Variants in MIEF2 observed in about 807,000 individuals in gnomAD.
The protein encoded by MIEF2 is mitochondrial dynamics protein MID49.
A neutral mutation model predicts 7.4 loss-of-function variants in MIEF2; 1 was observed. The observed-to-expected ratio is 0.14, with a 90% CI of 0.05 to 0.64. The LOEUF (loss-of-function observed/expected upper bound fraction) is 0.64, where lower values mean the gene tolerates loss of function less well. MIEF2 is among the 30% of genes least tolerant of loss of function. The pLI, the probability that MIEF2 is intolerant of heterozygous loss-of-function variation, is 0.85. For missense variants in MIEF2, 569 were observed against 623.9 expected, an observed-to-expected ratio of 0.91 and a Z score of 0.94; for synonymous variants, 275 against 290.5, an observed-to-expected ratio of 0.95 and a Z score of 0.54.
chr17:18,262,615 C>T, intron 1 of MIEF2, 99 bp from the exon 2 acceptor site: 2 of 1,184,180 alleles, frequency 1.7e-6, no homozygotes, highest in East Asian at 2.8e-5. Flanking sequence ...AGCTCTGTTA[C>T]CCAGCATAAG....
chr17:18,260,918 T>C (rs994196958), intron 1 of MIEF2, among the ~76,000 whole-genome samples, 181 bp downstream of exon 1: 2 of 152,130 alleles, frequency 1.3e-5, no homozygotes. Flanking sequence ...CTCGGTCTCT[T>C]GGTTTATCCT....
intron 1 of MIEF2, among the ~76,000 whole-genome samples, chr17:18,261,963 C>T (rs1277951442): frequency 6.6e-6 from 1 of 152,208 alleles, no homozygotes; most frequent in Non-Finnish European, 1.5e-5. Context: ...TTACTCTGCC[C>T]GTGCTCTGAC....
Position 18,264,097 on chromosome 17 carries a change from G to C in MIEF2, c.698G>C (p.Cys233Ser). 1.3e-6 allele frequency: 2 copies of C among 1,551,542 alleles called. No individual in the cohort carries two copies. The highest frequency in any genetic ancestry group is 1.7e-6 in the Non-Finnish European group (2 of 1,154,316). ...GTGCGCAGGACGCAGCTTGAGTTCTGCCCCCGTGGGAGCAGCCCCTGGGAC... is the reference window on the plus strand; with the variant it reads ...GTGCGCAGGACGCAGCTTGAGTTCTCCCCCCGTGGGAGCAGCCCCTGGGAC... ...WAVRRTQLEF[C>S]PRGSSPWDRF... The change falls in exon 4 of 4, where the codon TGC becomes TCC. Residue 233 changes from cysteine (C) to serine (S), a missense_variant. Transcript: ENST00000323019.
Position 18,264,017 on chromosome 17 carries a change from G to A in MIEF2, c.618G>A (p.Leu206=), listed in dbSNP as rs746815006. The A allele has an allele frequency of 1.3e-6, 2 of 1,560,142 alleles. No homozygotes were observed. The highest frequency in any genetic ancestry group is 1.7e-6 in the Non-Finnish European group (2 of 1,156,088). The change falls in exon 4 of 4, where the codon CTG becomes CTA. Residue 206 remains leucine (L), a synonymous_variant. Coordinates refer to ENST00000323019, the MANE Select transcript of MIEF2 (RefSeq NM_139162.4). ...LLVPLVLEPG[L]WSLVPGVDTV... The stretch of plus-strand genomic sequence containing the variant: ...TGCCACTGGTGCTGGAGCCGGGCCT[G>A]TGGAGCCTGGTGCCGGGCGTGGACA...
In MIEF2 at chr17:18,264,153, C is replaced by T. The variant is rs376412729; in HGVS notation, c.754C>T (p.Arg252Cys). ...CCTGGTCGGGGGCTACCTCTCCTCC[C>T]GCGTCCTGCTGGAGCTACTCCGCAA... ...RFLVGGYLSS[R>C]VLLELLRKAL... The change falls in exon 4 of 4, where the codon CGC becomes TGC. Residue 252 changes from arginine to cysteine, a missense_variant. Coordinates refer to ENST00000323019, the MANE Select transcript of MIEF2 (RefSeq NM_139162.4). 5.1e-6 allele frequency: 8 copies of T among 1,570,914 alleles called. No individual in the cohort carries two copies. The highest frequency in any genetic ancestry group is 1.3e-5 in the African/African-American group (1 of 74,286).
intron 3 of MIEF2, 145 bp downstream of exon 3, chr17:18,263,393 C>T: frequency 8.4e-7 from 1 of 1,187,950 alleles, no homozygotes. Flanking sequence ...GGTGGTGTTT[C>T]TTTGCCCTGT....
Position 18,264,463 on chromosome 17 carries a change from GGCTGCT to G in MIEF2, c.1075_1080del (p.Leu359_Leu360del). On this transcript the variant is annotated inframe_deletion, in exon 4 of 4. Transcript: ENST00000323019. ...GACCATGACGCTGGGACTCGCCGGC[GGCTGCT>G]GCTGCTGCTGTGTGCTGTCTGCCGT... 6.2e-7 allele frequency: 1 copy of G among 1,603,266 alleles called. No individual in the cohort carries two copies. Among genetic ancestry groups the G allele is most frequent in the Non-Finnish European group, 8.5e-7 (1 of 1,179,610 alleles).
At chr17:18,260,860 T>C (rs1399720362) in intron 1 of MIEF2, 123 bp downstream of exon 1, 1 of 517,524 alleles carries the variant, frequency 1.9e-6, no homozygotes, top group Non-Finnish European at 3.5e-6. Context: ...AGGGGACCTT[T>C]GGGGGACCAA....
chr17:18,265,112 G>A lies in MIEF2; in HGVS notation c.*348G>A, dbSNP rs1978677612. 1 of 210,192 alleles carries A rather than the reference G, an allele frequency of 4.8e-6. No homozygotes were observed. Among genetic ancestry groups the A allele is most frequent in the African/African-American group, 2.3e-5 (1 of 43,868 alleles). 13.0% of individuals were successfully genotyped at this position (210,192 alleles called of 1,614,324 possible). On this transcript the variant is annotated 3_prime_UTR_variant, in exon 4 of 4. Coordinates refer to ENST00000323019, the MANE Select transcript of MIEF2 (RefSeq NM_139162.4). ...AACAGAATGTGGTTTCTGCCATCCT[G>A]GGCAGAAGCTGAAGGCCAGCTTCAC...
intron 1 of MIEF2, 73 bp downstream of exon 1, chr17:18,260,810 T>A: frequency 2.9e-6 from 1 of 348,808 alleles, no homozygotes. Flanking sequence ...GGAACGCAGA[T>A]CGGGGGCGTG....
intron 1 of MIEF2, 122 bp from the exon 2 acceptor site, chr17:18,262,592 C>T (rs1368297479): frequency 1.1e-6 from 1 of 909,356 alleles, no homozygotes; most frequent in Non-Finnish European, 1.5e-6. Flanking sequence ...CAGAAAGCCC[C>T]CCTCATGGGC....
chr17:18,263,110 C>G lies in MIEF2; in HGVS notation c.172C>G (p.Arg58Gly), dbSNP rs765542847. Residue 58 changes from arginine (R) to glycine (G), a missense_variant, in exon 3 of 4, where the codon CGG (arginine) becomes GGG (glycine). Coordinates refer to ENST00000323019, the MANE Select transcript of MIEF2 (RefSeq NM_139162.4). ...GTTCATTGACAGGGCCACTAGCCCG[C>G]GGGATGAGGATGACACCAAGGCAGA... ...KRFIDRATSP[R>G]DEDDTKADSW... The G allele has an allele frequency of 6.2e-6, 10 of 1,613,342 alleles. 1 individual carries two copies. The South Asian group carries it at 9.9e-5, about 16-fold the overall frequency.
In MIEF2 at chr17:18,266,016, A is replaced by C. The variant is rs1332712824; in HGVS notation, c.*1252A>C. The C allele has an allele frequency of 6.6e-6, 1 of 151,708 alleles. No individual in the cohort carries two copies. Among genetic ancestry groups the C allele is most frequent in the Non-Finnish European group, 1.5e-5 (1 of 67,960 alleles). The allele number at this position is 151,708 out of a possible 1,614,324, so 9.4% of individuals were successfully genotyped here. The stretch of plus-strand genomic sequence containing the variant: ...AGGTCAAGAGATCGAGACCATCCTG[A>C]CCAACATGATGAAACCCCAACTCTA... On this transcript the variant is annotated 3_prime_UTR_variant, in exon 4 of 4. Coordinates refer to ENST00000323019, the MANE Select transcript of MIEF2 (RefSeq NM_139162.4).
rs367561558 is a variant in MIEF2 at position 18,262,755 on chromosome 17, G to C, written c.35G>C (p.Arg12Pro). The change falls in exon 2 of 4, where the codon CGT (arginine) becomes CCT (proline). Residue 12 changes from arginine to proline, a missense_variant. Arg to Pro is a moderately radical substitution (Grantham distance 103, BLOSUM62 -2). Transcript: ENST00000323019. ...AEFSQKRGKR[R>P]SDEGLGSMVD... is the part of the protein sequence containing the mutation. ...TTCTCCCAGAAACGGGGGAAGCGGCGTAGCGACGAAGGGCTGGGCAGCATG... is the reference window on the plus strand; with the variant it reads ...TTCTCCCAGAAACGGGGGAAGCGGCCTAGCGACGAAGGGCTGGGCAGCATG... 2 of 1,608,186 alleles carry C rather than the reference G, an allele frequency of 1.2e-6. No homozygotes were observed. The highest frequency in any genetic ancestry group is 1.3e-5 in the African/African-American group (1 of 74,864).
At position 18,261,339 on chromosome 17, in the gene MIEF2, G is replaced by A. The variant is rs114630524; in HGVS notation, c.-8+602G>A. 7.7e-3 allele frequency among the ~76,000 whole-genome samples: 1,166 copies of A among 152,284 alleles called. 18 individuals are homozygous for A. The highest frequency in any genetic ancestry group is 0.026 in the African/African-American group (1,084 of 41,556). On this transcript the variant is annotated intron_variant, in intron 1 of 3. Transcript: ENST00000323019. ...AGAGACCGTCTTATTTTTAGTCTGG[G>A]GCGAATGGGCGGGTGTACGGGGCTG... is the stretch of plus-strand genomic sequence containing the variant.
rs1260411535 is a variant in MIEF2 at position 18,264,535 on chromosome 17, C to T, written c.1136C>T (p.Thr379Ile). 6.2e-7 allele frequency: 1 copy of T among 1,610,082 alleles called. No homozygotes were observed. The highest frequency in any genetic ancestry group is 8.5e-7 in the Non-Finnish European group (1 of 1,179,816). ...GGGCAGCTAGGCCGGGGTCACCTGA[C>T]CCAGGTGGTCCTGCGTCTGGGGGAG... ...ALGQLGRGHL[T>I]QVVLRLGEDN... The change falls in exon 4 of 4, where the codon ACC (threonine) becomes ATC (isoleucine). Residue 379 changes from threonine (T) to isoleucine (I), a missense_variant. By Grantham distance (89) the Thr-to-Ile change is moderately conservative. Transcript: ENST00000323019.
rs1307737489 is a variant in MIEF2, at chr17:18,264,821, C to G, written c.*57C>G. The G allele has an allele frequency of 6.4e-7, 1 of 1,551,994 alleles. No homozygotes were observed. Among genetic ancestry groups the G allele is most frequent in the South Asian group, 1.2e-5 (1 of 82,742 alleles). ...TAATGCTGGGGAGCTGCACCCACCTCCCTTCCAGGGATTTGAATAGTGGTT... is the reference window on the plus strand; with the variant it reads ...TAATGCTGGGGAGCTGCACCCACCTGCCTTCCAGGGATTTGAATAGTGGTT... On this transcript the variant is annotated 3_prime_UTR_variant, in exon 4 of 4. Transcript: ENST00000323019.
chr17:18,264,503 G>A lies in MIEF2; in HGVS notation c.1104G>A (p.Ser368=), dbSNP rs147623411. 205 of 1,608,244 alleles carry A rather than the reference G, an allele frequency of 1.3e-4. 1 individual carries two copies. In the African/African-American group the frequency reaches 2.5e-3, roughly 19 times the overall value. ...LLLCAVCRGC[S]ALGQLGRGHL... is the part of the protein sequence containing the mutation. The stretch of plus-strand genomic sequence containing the variant: ...TGTGTGCTGTCTGCCGTGGTTGCTC[G>A]GCTCTGGGGCAGCTAGGCCGGGGTC... Residue 368 remains serine, a synonymous_variant, in exon 4 of 4, where the codon TCG becomes TCA. Coordinates refer to ENST00000323019, the MANE Select transcript of MIEF2 (RefSeq NM_139162.4).
Position 18,263,227 on chromosome 17 carries a change from GC to G in MIEF2, c.294del (p.Ser99ArgfsTer15). The part of the protein sequence containing the change: ...AALSQPVLPL[A>X]PSSSAPEGPA... The stretch of plus-strand genomic sequence containing the variant: ...CCTTAGCCAGCCAGTGTTGCCCTTG[GC>G]CCCCTCGTCGTCTGCCCCAGGTGAG... On this transcript the variant is annotated frameshift_variant, in exon 3 of 4. Coordinates refer to ENST00000323019, the MANE Select transcript of MIEF2 (RefSeq NM_139162.4). LOFTEE classifies it low-confidence loss of function (END_TRUNC). The G allele has an allele frequency of 6.2e-7, 1 of 1,613,852 alleles. No homozygotes were observed. Among genetic ancestry groups the G allele is most frequent in the Non-Finnish European group, 8.5e-7 (1 of 1,180,050 alleles).
Sources: allele counts gnomAD v4.1 joint callset (sites outside exome capture counted in the v4.1 genomes callset), GRCh38; gene constraint gnomAD v4.1.1; transcripts MANE v1.5; gene names NCBI Gene and HGNC (gene_info 2026-07-23, HGNC 2026-07-21).